The following SLC39A14 variants were observed in gnomAD, a reference collection of about 807,000 sequenced individuals.
The protein encoded by SLC39A14 is solute carrier family 39 member 14.
SLC39A14 carries 19 observed loss-of-function variants against 45.5 expected under a neutral mutation model. That is an observed-to-expected ratio of 0.42 (90% CI 0.29 to 0.61). The LOEUF (loss-of-function observed/expected upper bound fraction) is 0.61, where lower values mean the gene tolerates loss of function less well. Ranked by LOEUF, SLC39A14 falls within the 20% of genes least tolerant of loss-of-function variation. The pLI is 0.22. For missense variants in SLC39A14, 447 were observed against 616.5 expected (o/e 0.73, Z 2.91); for synonymous variants, 264 against 251.3 (o/e 1.05, Z -0.48).
intron 1 of SLC39A14, among the ~76,000 whole-genome samples, chr8:22,377,331 A>G (rs1833270838): frequency 6.6e-6 from 1 of 151,662 alleles, no homozygotes; most frequent in Admixed American, 6.6e-5. Flanking sequence ...TTCCAGGCTC[A>G]TCTTGTAACT....
chr8:22,419,738 G>T lies in SLC39A14; in HGVS notation c.*40G>T. 1 of 1,533,930 alleles carries T rather than the reference G, an allele frequency of 6.5e-7. No individual in the cohort carries two copies. On this transcript the variant is annotated 3_prime_UTR_variant, in exon 9 of 9. Coordinates refer to ENST00000381237, the MANE Select transcript of SLC39A14 (RefSeq NM_001128431.4). The stretch of plus-strand genomic sequence containing the variant: ...CCTGTGGGACTGGAAGTCGGGCCCT[G>T]GGCTGCCCGATCGCCAGCCCGAGGA...
intron 1 of SLC39A14, among the ~76,000 whole-genome samples, chr8:22,392,145 C>A (rs1834110510): frequency 6.6e-6 from 1 of 152,208 alleles, no homozygotes; most frequent in African/African-American, 2.4e-5. Flanking sequence ...GAAAAGTGAC[C>A]CAAGACGGCT....
chr8:22,432,458 T>C (rs1044997872), intron 8 of SLC39A14, among the ~76,000 whole-genome samples: 10 of 150,794 alleles, frequency 6.6e-5, no homozygotes, highest in Non-Finnish European at 8.9e-5. Flanking sequence ...TCCTTCCTTT[T>C]TCTCTCTCTC....
chr8:22,425,311 G>A (rs1275257478), downstream of SLC39A14, among the ~76,000 whole-genome samples: 1 of 152,182 alleles, frequency 6.6e-6, no homozygotes, highest in East Asian at 1.9e-4. Context: ...AATCAGCTAA[G>A]CCATCTAGGA....
chr8:22,395,667 C>G (rs181846222), intron 1 of SLC39A14, among the ~76,000 whole-genome samples: 1 of 152,144 alleles, frequency 6.6e-6, no homozygotes, highest in Non-Finnish European at 1.5e-5. Context: ...TTTGGTCTCA[C>G]GTTGGTTATA....
At chr8:22,388,002 T>C (rs781459359) in intron 1 of SLC39A14, among the ~76,000 whole-genome samples, 24 of 152,292 alleles carry the variant, frequency 1.6e-4, no homozygotes, top group Non-Finnish European at 2.6e-4. Context: ...GGGGTGAGGA[T>C]GTGTCTGTCT....
In SLC39A14 at chr8:22,421,587, G is replaced by T; in HGVS notation, c.*1889G>T. 1.0e-6 allele frequency: 1 copy of T among 985,592 alleles called. No individual in the cohort carries two copies. Among genetic ancestry groups the T allele is most frequent in the African/African-American group, 1.7e-5 (1 of 57,336 alleles). The allele number at this position is 985,592 out of a possible 1,614,324, so 61.1% of individuals were successfully genotyped here. A position where few individuals can be genotyped will look rare whatever the true frequency, so the allele number is the denominator to read the frequency against. On this transcript the variant is annotated 3_prime_UTR_variant, in exon 9 of 9. Coordinates refer to ENST00000381237, the MANE Select transcript of SLC39A14 (RefSeq NM_001128431.4). ...GTCATTATTATTGTTGTTTTTAAAC[G>T]GTTCTTTGTCTTTTCTGTTTTATTT...
Position 22,409,953 on chromosome 8 carries a change from C to T in SLC39A14, c.457+1457C>T, listed in dbSNP as rs76369796. The stretch of plus-strand genomic sequence containing the variant: ...GTTCTTGTTCCTCCACAGTGTGGGG[C>T]TTTGGTTTTCTCAGTGTCTCACTGA... On this transcript the variant is annotated intron_variant, in intron 3 of 8. Transcript: ENST00000381237. The T allele has an allele frequency of 5.8e-3, 9,422 of 1,613,888 alleles. 465 individuals carry two copies. In the African/African-American group the frequency reaches 0.11, roughly 19 times the overall value.
At chr8:22,430,764 C>T (rs1398840824) in intron 8 of SLC39A14, among the ~76,000 whole-genome samples, 1 of 151,352 alleles carries the variant, frequency 6.6e-6, no homozygotes, top group Admixed American at 6.6e-5. Context: ...ACTCCACCTC[C>T]TGGGTTCAAG....
intron 8 of SLC39A14, chr8:22,433,857 G>A (rs141062974): frequency 3.3e-5 from 10 of 307,072 alleles, no homozygotes; most frequent in South Asian, 4.9e-5. Flanking sequence ...CACTGCACTC[G>A]GCCATGTTTA....
Position 22,414,838 on chromosome 8 carries a change from G to A in SLC39A14, c.686G>A (p.Gly229Glu). 6.2e-7 allele frequency: 1 copy of A among 1,613,152 alleles called. No homozygotes were observed. The highest frequency in any genetic ancestry group is 8.5e-7 in the Non-Finnish European group (1 of 1,179,722). Residue 229 changes from glycine (G) to glutamate (E), a missense_variant, in exon 5 of 9, where the codon GGG (glycine) becomes GAG (glutamate). This residue lies in a region of SLC39A14 where 342 missense variants were observed against 428.1 expected (regional missense o/e 0.80). Transcript: ENST00000381237. ...GTCTCCAAGTCTGCAGTGGTGTTTG[G>A]GGGCTTTTATCTTTTCTTTTTCACA... ...YYVSKSAVVF[G>E]GFYLFFFTEK... is the part of the protein sequence containing the mutation.
chr8:22,433,657 C>G (rs1161839551), intron 8 of SLC39A14, among the ~76,000 whole-genome samples: 1 of 151,358 alleles, frequency 6.6e-6, no homozygotes, highest in Non-Finnish European at 1.5e-5. Flanking sequence ...CCTCAGCCTC[C>G]CAAGCAATCC....
chr8:22,393,733 A>G (rs1834211275), intron 1 of SLC39A14, among the ~76,000 whole-genome samples: 1 of 151,818 alleles, frequency 6.6e-6, no homozygotes. Context: ...GTGCGGTGGC[A>G]CAGTCATAGC....
chr8:22,368,545 T>C (rs1429470611), intron 1 of SLC39A14, among the ~76,000 whole-genome samples: 1 of 130,688 alleles, frequency 7.7e-6, no homozygotes, highest in Non-Finnish European at 1.6e-5. Context: ...TATTGTATTT[T>C]ATTTTATTTG....
intron 2 of SLC39A14, among the ~76,000 whole-genome samples, chr8:22,407,459 C>G (rs1245923611): frequency 6.7e-6 from 1 of 149,844 alleles, no homozygotes; most frequent in Non-Finnish European, 1.5e-5. Flanking sequence ...CTCCTGGGTT[C>G]AGGTGATTCT....
chr8:22,396,330 G>A (rs191271422), intron 1 of SLC39A14, among the ~76,000 whole-genome samples: 2,351 of 146,204 alleles, frequency 0.016, 26 homozygotes, highest in Middle Eastern at 0.053. Flanking sequence ...TCACGCCACT[G>A]CACTCCAGCC....
chr8:22,404,146 G>A (rs758066108), intron 1 of SLC39A14, among the ~76,000 whole-genome samples: 2 of 152,054 alleles, frequency 1.3e-5, no homozygotes, highest in Non-Finnish European at 2.9e-5. Flanking sequence ...ATAACTGGCC[G>A]GGTGCAGTGG....
chr8:22,429,444 A>G (rs1000880431), intron 8 of SLC39A14, among the ~76,000 whole-genome samples: 2 of 152,162 alleles, frequency 1.3e-5, no homozygotes, highest in African/African-American at 2.4e-5. Flanking sequence ...TAAGGTAGGT[A>G]TAAGTATAAT....
intron 2 of SLC39A14, 135 bp from the exon 3 acceptor site, chr8:22,408,175 A>T: frequency 1.3e-6 from 1 of 753,464 alleles, no homozygotes; most frequent in Admixed American, 2.7e-5. Context: ...AGACTAGATG[A>T]ATCTACAAAT....
Sources: allele counts gnomAD v4.1 joint callset (sites outside exome capture counted in the v4.1 genomes callset), GRCh38; gene constraint gnomAD v4.1.1; regional missense constraint gnomAD v4.1.1; transcripts MANE v1.5; gene names NCBI Gene and HGNC (gene_info 2026-07-23, HGNC 2026-07-21).